KALRN: variants seen among roughly 807,000 people sequenced by gnomAD.
KALRN encodes kalirin.
A neutral mutation model predicts 353.7 loss-of-function variants in KALRN; 70 were observed. The ratio of observed to expected loss-of-function variants is 0.20; its 90% CI spans 0.16 to 0.24. The LOEUF is 0.24. KALRN is among the 10% of genes least tolerant of loss of function. The pLI is 1.00. For synonymous variants in KALRN, 1,391 were observed against 1,434.8 expected, an observed-to-expected ratio of 0.97 and a Z score of 0.69; for missense variants, 2,791 against 3,756.7, an observed-to-expected ratio of 0.74 and a Z score of 6.72.
At chr3:124,434,639 T>C (rs2093400797) in intron 17 of KALRN, 114 bp downstream of exon 17, 1 of 866,952 alleles carries the variant, frequency 1.2e-6, no homozygotes, top group South Asian at 1.7e-5. Flanking sequence ...CTTTCAGTAC[T>C]AACATTTGAA....
chr3:124,312,545 G>A (rs1395537189), intron 6 of KALRN, among the ~76,000 whole-genome samples: 3 of 152,210 alleles, frequency 2.0e-5, no homozygotes, highest in Non-Finnish European at 4.4e-5. Flanking sequence ...TATTTTGCAA[G>A]TGGGTCTTTA....
chr3:124,104,448 A>G (rs923393093), intron 1 of KALRN, among the ~76,000 whole-genome samples: 2 of 152,274 alleles, frequency 1.3e-5, no homozygotes, highest in Non-Finnish European at 2.9e-5. Flanking sequence ...GATGGAAATC[A>G]GCAAATACAG....
intron 1 of KALRN, among the ~76,000 whole-genome samples, chr3:124,140,061 A>G (rs2066436857): frequency 6.6e-6 from 1 of 152,024 alleles, no homozygotes; most frequent in Non-Finnish European, 1.5e-5. Flanking sequence ...CTTTTATCTG[A>G]TGATTAGGAC....
At chr3:124,304,244 A>G (rs1285675094) in intron 6 of KALRN, among the ~76,000 whole-genome samples, 1 of 152,186 alleles carries the variant, frequency 6.6e-6, no homozygotes, top group Non-Finnish European at 1.5e-5. Context: ...TTTTAAAAAA[A>G]TGAAGAAGAA....
In KALRN at chr3:124,325,988, T is replaced by C. The variant is rs1185197436; in HGVS notation, c.1101T>C (p.Tyr367=). ...TCTCCTTTTCTTTCCAGAATGCCTATGTCAACATCAACCGCATCATGTCCG... is the reference window on the plus strand; with the variant it reads ...TCTCCTTTTCTTTCCAGAATGCCTACGTCAACATCAACCGCATCATGTCCG... ...NHFAMNSMNA[Y]VNINRIMSVA... The change falls in exon 7 of 60, where the codon TAT becomes TAC. Residue 367 remains tyrosine, a synonymous_variant. Transcript: ENST00000682506. The C allele has an allele frequency of 3.7e-6, 6 of 1,613,230 alleles. No individual in the cohort carries two copies. The highest frequency in any genetic ancestry group is 1.1e-5 in the South Asian group (1 of 90,850).
At chr3:124,417,323 C>G (rs2092559288) in intron 14 of KALRN, among the ~76,000 whole-genome samples, 1 of 152,230 alleles carries the variant, frequency 6.6e-6, no homozygotes, top group Admixed American at 6.5e-5. Context: ...AAGGTTCCCT[C>G]CAGTTCTCAC....
intron 34 of KALRN, among the ~76,000 whole-genome samples, chr3:124,628,154 TCCCTC>T (rs2080194087): frequency 6.3e-5 from 1 of 15,942 alleles, no homozygotes; most frequent in African/African-American, 3.8e-4. Flanking sequence ...CCTCCCTCCC[TCCCTC>T]CCTTCCTTCC....
chr3:124,685,015 A>G (rs2061496463), intron 51 of KALRN, among the ~76,000 whole-genome samples: 1 of 152,058 alleles, frequency 6.6e-6, no homozygotes, highest in Non-Finnish European at 1.5e-5. Flanking sequence ...GGCCAGACGG[A>G]TTGAAGGAAA....
chr3:124,717,413 G>A (rs767858454), intron 59 of KALRN, 28 bp downstream of exon 59: 42 of 1,549,770 alleles, frequency 2.7e-5, no homozygotes, highest in Middle Eastern at 1.8e-4. Flanking sequence ...CCTGCTGGGC[G>A]CAGTGGCTCA....
chr3:124,491,263 C>T, intron 30 of KALRN, 60 bp from the exon 31 acceptor site: 1 of 1,208,600 alleles, frequency 8.3e-7, no homozygotes, highest in African/African-American at 1.5e-5. Context: ...CCCACCCCAG[C>T]CCTAAGTTTC....
At chr3:124,461,252 T>A (rs2059831211) in intron 23 of KALRN, among the ~76,000 whole-genome samples, 1 of 152,234 alleles carries the variant, frequency 6.6e-6, no homozygotes, top group Admixed American at 6.5e-5. Context: ...CACACTTATT[T>A]TTTTTTACAC....
At chr3:124,501,399 G>A (rs149753533) in intron 33 of KALRN, among the ~76,000 whole-genome samples, 57 of 152,136 alleles carry the variant, frequency 3.7e-4, no homozygotes, top group African/African-American at 1.3e-3. Context: ...ATAACTCAAT[G>A]GTTTTTAAAC....
chr3:124,650,342 A>T (rs1341428019), intron 37 of KALRN, among the ~76,000 whole-genome samples: 1 of 152,202 alleles, frequency 6.6e-6, no homozygotes, highest in Non-Finnish European at 1.5e-5. Context: ...AACTGAGAAA[A>T]ACTGAAGCAT....
At chr3:124,623,821 TAGA>T (rs1464605454) in intron 34 of KALRN, among the ~76,000 whole-genome samples, 2 of 152,152 alleles carry the variant, frequency 1.3e-5, no homozygotes, top group African/African-American at 4.8e-5. Context: ...GCTACCTAAG[TAGA>T]AGAAGGACAA....
rs1012568707 is a variant in KALRN at position 124,326,007 on chromosome 3, A to G, written c.1120A>G (p.Met374Val). 3 of 1,613,174 alleles carry G rather than the reference A, an allele frequency of 1.9e-6. No individual in the cohort carries two copies. The highest frequency in any genetic ancestry group is 2.5e-6 in the Non-Finnish European group (3 of 1,179,626). Residue 374 changes from methionine (M) to valine (V), a missense_variant, in exon 7 of 60, where the codon ATG becomes GTG. Transcript: ENST00000682506. ...TGCCTATGTCAACATCAACCGCATC[A>G]TGTCCGTGGCTTCCCGCCTCTCTGA... Reference protein sequence around the residue: ...MNAYVNINRIMSVASRLSEAG... With the variant: ...MNAYVNINRIVSVASRLSEAG...
At chr3:124,057,380 G>C (rs993512764) in intron 1 of KALRN, among the ~76,000 whole-genome samples, 1 of 152,150 alleles carries the variant, frequency 6.6e-6, no homozygotes, top group African/African-American at 2.4e-5. Flanking sequence ...CAGAACCAGA[G>C]GGGGAAGCCT....
chr3:124,692,556 T>A (rs2061867143), intron 51 of KALRN, among the ~76,000 whole-genome samples: 1 of 152,150 alleles, frequency 6.6e-6, no homozygotes, highest in African/African-American at 2.4e-5. Flanking sequence ...GGCTTCATGA[T>A]AAAGGAAAGA....
intron 5 of KALRN, among the ~76,000 whole-genome samples, chr3:124,290,162 G>C (rs1163498173): frequency 6.6e-6 from 1 of 152,162 alleles, no homozygotes; most frequent in Non-Finnish European, 1.5e-5. Context: ...TGAAAACACT[G>C]ATTCTCCAGA....
intron 36 of KALRN, among the ~76,000 whole-genome samples, chr3:124,635,837 T>C (rs686412): frequency 0.64 from 97,780 of 151,938 alleles, 32,295 homozygotes; most frequent in East Asian, 0.9. Context: ...CTGGAGAAAA[T>C]TTTGCTTATT....
Sources: allele counts gnomAD v4.1 joint callset (sites outside exome capture counted in the v4.1 genomes callset), GRCh38; gene constraint gnomAD v4.1.1; transcripts MANE v1.5; gene names NCBI Gene and HGNC (gene_info 2026-07-23, HGNC 2026-07-21).